Variants in MYO9B observed in about 807,000 individuals in gnomAD.
MYO9B encodes the protein unconventional myosin-IXb.
In MYO9B, 71 loss-of-function variants were observed where a neutral mutation model predicts 229.5. The ratio of observed to expected loss-of-function variants is 0.31; its 90% CI spans 0.26 to 0.38. The LOEUF (loss-of-function observed/expected upper bound fraction) is 0.38. Ranked by LOEUF, MYO9B falls within the 10% of genes least tolerant of loss-of-function variation. The probability of loss-of-function intolerance (pLI) is 1.00; values close to 1 mark genes in which losing one functional copy is unlikely to be tolerated. For synonymous variants in MYO9B, 1,185 were observed against 1,235.8 expected (o/e 0.96, Z 0.86); for missense variants, 2,255 against 2,920.5 (o/e 0.77, Z 5.25).
intron 2 of MYO9B, among the ~76,000 whole-genome samples, chr19:17,141,738 G>T (rs2072342729): frequency 6.6e-6 from 1 of 152,198 alleles, no homozygotes; most frequent in Admixed American, 6.5e-5. Context: ...AATCTGGACA[G>T]AGTGTAGGTG....
chr19:17,206,074 G>A lies in MYO9B; in HGVS notation c.5179G>A (p.Gly1727Ser), dbSNP rs763492622. The A allele has an allele frequency of 3.7e-5, 60 of 1,610,568 alleles. No individual in the cohort carries two copies. The highest frequency in any genetic ancestry group is 4.7e-5 in the Non-Finnish European group (55 of 1,177,938). Residue 1727 changes from glycine (G) to serine (S), a missense_variant, in exon 32 of 40, where the codon GGC becomes AGC. Physicochemically the swap from Gly to Ser is moderately conservative, Grantham distance 56. Around this residue, in one of 7 missense-constraint regions of MYO9B, gnomAD observed 416 missense variants for 605.5 expected, o/e 0.69. Coordinates refer to ENST00000682292, the MANE Select transcript of MYO9B (RefSeq NM_004145.4). ...EKLLEHVEMH[G>S]LYTEGLYRKS... Reference sequence around the variant, plus strand: ...GCTCCTGGAACACGTGGAGATGCACGGCCTGTACACCGAGGGCCTCTACCG... The same window carrying A: ...GCTCCTGGAACACGTGGAGATGCACAGCCTGTACACCGAGGGCCTCTACCG...
In MYO9B at chr19:17,210,684, G is replaced by A; in HGVS notation, c.5797-31G>A. ...GCAGTAACCTCGCCCACTCAGAGAT[G>A]TCAGTGGGACCCCTTGCTTCTTTGT... On this transcript the variant is annotated intron_variant, in intron 37 of 39. Coordinates refer to ENST00000682292, the MANE Select transcript of MYO9B (RefSeq NM_004145.4). 3 of 1,508,604 alleles carry A rather than the reference G, an allele frequency of 2.0e-6. No individual in the cohort carries two copies. The South Asian group carries it at 3.9e-5, about 20-fold the overall frequency. The allele number at this position is 1,508,604 out of a possible 1,614,324, so 93.5% of individuals were successfully genotyped here. A position where few individuals can be genotyped will look rare whatever the true frequency, so the allele number is the denominator to read the frequency against.
At chr19:17,132,536 T>A (rs1481277074) in intron 2 of MYO9B, among the ~76,000 whole-genome samples, 1 of 139,258 alleles carries the variant, frequency 7.2e-6, no homozygotes, top group African/African-American at 2.7e-5. Context: ...TTTTTTTTTT[T>A]TTTTTTTTTT....
At chr19:17,202,776 G>T in intron 28 of MYO9B, 66 bp from the exon 29 acceptor site, 2 of 1,497,274 alleles carry the variant, frequency 1.3e-6, no homozygotes, top group Admixed American at 2.0e-5. Context: ...GTTATGGGGT[G>T]CCAGGGGTGG....
At chr19:17,117,850 A>G (rs1393386341) in intron 2 of MYO9B, among the ~76,000 whole-genome samples, 1 of 148,382 alleles carries the variant, frequency 6.7e-6, no homozygotes, top group Non-Finnish European at 1.5e-5. Context: ...AGGCAGGAGA[A>G]TGGCTTGAAC....
chr19:17,101,782 A>AC lies in MYO9B; in HGVS notation c.70dup (p.Gln24ProfsTer126). On this transcript the variant is annotated frameshift_variant, in exon 2 of 40. Coordinates refer to ENST00000682292, the MANE Select transcript of MYO9B (RefSeq NM_004145.4). LOFTEE classifies it high-confidence loss of function. This position sits in a 1 kb window ranked among gnomAD's most constrained non-coding sequence, Gnocchi z 4.7. ...CAGGCGGCCTACCACCTGCACATCT[A>AC]CCCCCAGCTGTCCACCACCGAGAGC... The AC allele has an allele frequency of 6.4e-7, 1 of 1,570,456 alleles. No homozygotes were observed. The highest frequency in any genetic ancestry group is 8.6e-7 in the Non-Finnish European group (1 of 1,164,056).
intron 14 of MYO9B, among the ~76,000 whole-genome samples, chr19:17,176,227 G>A (rs969979760): frequency 8.6e-5 from 13 of 151,946 alleles, no homozygotes; most frequent in African/African-American, 2.2e-4. Context: ...AACTAGAGAC[G>A]GGGTTTCACC....
intron 14 of MYO9B, among the ~76,000 whole-genome samples, chr19:17,179,561 G>A (rs1443851585): frequency 1.3e-5 from 2 of 151,178 alleles, no homozygotes; most frequent in African/African-American, 2.4e-5. Context: ...GGAGTGACTG[G>A]GACTACAGGC....
In MYO9B at chr19:17,195,433, G is replaced by C; in HGVS notation, c.4006G>C (p.Asp1336His). 1 of 1,605,940 alleles carries C rather than the reference G, an allele frequency of 6.2e-7. No individual in the cohort carries two copies. The highest frequency in any genetic ancestry group is 1.1e-5 in the South Asian group (1 of 90,716). Residue 1336 changes from aspartate (D) to histidine (H), a missense_variant, in exon 22 of 40, where the codon GAC becomes CAC. Physicochemically the swap from Asp to His is moderately conservative, Grantham distance 81. This residue lies in a region of MYO9B where 679 missense variants were observed against 770.2 expected (regional missense o/e 0.88). Coordinates refer to ENST00000682292, the MANE Select transcript of MYO9B (RefSeq NM_004145.4). The surrounding 1 kb of genome is among the most constrained non-coding windows in gnomAD (Gnocchi z 4.5). ...GCTCAGCCAGTCCCTGGACCTCAGC[G>C]ACAGACACCGGGCCACAGGGGCCGC... ...AMLSQSLDLSDRHRATGAALT... is the reference protein window; with the variant it reads ...AMLSQSLDLSHRHRATGAALT...
chr19:17,189,540 G>A (rs536597272), intron 19 of MYO9B, among the ~76,000 whole-genome samples: 21 of 152,192 alleles, frequency 1.4e-4, no homozygotes, highest in African/African-American at 4.8e-4. Context: ...GCTGAGGCAG[G>A]AGGATTGCTT....
intron 2 of MYO9B, among the ~76,000 whole-genome samples, chr19:17,142,464 C>T (rs77473093): frequency 1.4e-3 from 220 of 152,100 alleles, no homozygotes; most frequent in African/African-American, 4.0e-3. Context: ...TCATGTTTTA[C>T]GCCAATTTTT....
chr19:17,185,605 T>A (rs1347053207), intron 17 of MYO9B, among the ~76,000 whole-genome samples: 4 of 151,044 alleles, frequency 2.6e-5, no homozygotes, highest in African/African-American at 9.7e-5. Flanking sequence ...CCTTCTGAGG[T>A]TGACACATGT....
At position 17,173,011 on chromosome 19, in the gene MYO9B, G is replaced by C. The variant is rs1401851653; in HGVS notation, c.2140+48G>C. The stretch of plus-strand genomic sequence containing the variant: ...ACAAAAGCGTCACTGTCGAGAGGGG[G>C]GCACATCCTGAGTTCATCTTAAAGT... On this transcript the variant is annotated intron_variant, in intron 13 of 39. Coordinates refer to ENST00000682292, the MANE Select transcript of MYO9B (RefSeq NM_004145.4). 4 of 1,577,844 alleles carry C rather than the reference G, an allele frequency of 2.5e-6. No individual in the cohort carries two copies. In the African/African-American group the frequency reaches 5.4e-5, roughly 21 times the overall value.
Position 17,101,448 on chromosome 19 carries a change from T to G in MYO9B, c.-58-212T>G, listed in dbSNP as rs982680242. On this transcript the variant is annotated intron_variant, in intron 1 of 39. Coordinates refer to ENST00000682292, the MANE Select transcript of MYO9B (RefSeq NM_004145.4). The surrounding 1 kb of genome is among the most constrained non-coding windows in gnomAD (Gnocchi z 4.7). ...TCCTAAAGTGTTGGGATTATAAGCA[T>G]GAGCCACTGCAGGAGCCTGAGGTCA... Among the ~76,000 whole-genome samples the G allele has an allele frequency of 6.6e-6, 1 of 152,138 alleles. No homozygotes were observed. The highest frequency in any genetic ancestry group is 2.4e-5 in the African/African-American group (1 of 41,446).
At chr19:17,202,768 T>TA in intron 28 of MYO9B, 74 bp from the exon 29 acceptor site, 2 of 1,466,288 alleles carry the variant, frequency 1.4e-6, no homozygotes, top group Middle Eastern at 1.8e-4. Context: ...ACGCCTGAGT[T>TA]ATGGGGTGCC....
At chr19:17,192,186 G>A (rs1037421145) in intron 20 of MYO9B, among the ~76,000 whole-genome samples, 10 of 151,754 alleles carry the variant, frequency 6.6e-5, no homozygotes, top group African/African-American at 1.7e-4. Flanking sequence ...CCAGCTACTC[G>A]GGAGGCTTAG....
intron 22 of MYO9B, among the ~76,000 whole-genome samples, chr19:17,196,838 G>T (rs144942545): frequency 2.4e-4 from 36 of 152,080 alleles, no homozygotes; most frequent in African/African-American, 8.4e-4. Flanking sequence ...ATGGATGGAT[G>T]GACAGACAGA....
chr19:17,158,284 C>T (rs532620500), intron 7 of MYO9B, among the ~76,000 whole-genome samples: 1 of 152,218 alleles, frequency 6.6e-6, no homozygotes, highest in East Asian at 1.9e-4. Flanking sequence ...AGAGAAAGCC[C>T]CTGCCAGCCA....
At chr19:17,088,578 T>C (rs1009383939) in intron 1 of MYO9B, among the ~76,000 whole-genome samples, 3 of 152,092 alleles carry the variant, frequency 2.0e-5, no homozygotes, top group African/African-American at 7.2e-5. Context: ...GGGCCACCAA[T>C]GATGCCCACC....
Sources: allele counts gnomAD v4.1 joint callset (sites outside exome capture counted in the v4.1 genomes callset), GRCh38; gene constraint gnomAD v4.1.1; regional missense constraint gnomAD v4.1.1; non-coding constraint Gnocchi (gnomAD v3.1); transcripts MANE v1.5; gene names NCBI Gene and HGNC (gene_info 2026-07-23, HGNC 2026-07-21).